Variants in FOXO3 observed in about 807,000 individuals in gnomAD.
FOXO3 encodes forkhead box O3.
In FOXO3, 4 loss-of-function variants were observed where a neutral mutation model predicts 41.9. The observed-to-expected ratio is 0.10, with a 90% confidence interval of 0.05 to 0.22. The LOEUF is 0.22. Among genes scored for constraint, FOXO3 ranks in the 10% least tolerant of loss-of-function variants. FOXO3 has a pLI of 1.00. For synonymous variants in FOXO3, 318 were observed against 389.3 expected (o/e 0.82, Z 2.16); for missense variants, 534 against 906.8 (o/e 0.59, Z 5.28).
At chr6:108,660,976 C>T (rs1449525880) in intron 1 of FOXO3, among the ~76,000 whole-genome samples, 11 of 152,098 alleles carry the variant, frequency 7.2e-5, no homozygotes, top group African/African-American at 2.2e-4. Flanking sequence ...AGGAGAATGG[C>T]GTGAACCTGG....
At chr6:108,588,273 G>A (rs1371321065) in intron 1 of FOXO3, among the ~76,000 whole-genome samples, 1 of 151,468 alleles carries the variant, frequency 6.6e-6, no homozygotes, top group Non-Finnish European at 1.5e-5. Context: ...TCTGCATTTG[G>A]GCTTGTTCCT....
At chr6:108,587,493 A>G (rs1562235044) in intron 1 of FOXO3, among the ~76,000 whole-genome samples, 1 of 152,188 alleles carries the variant, frequency 6.6e-6, no homozygotes, top group Non-Finnish European at 1.5e-5. Flanking sequence ...TGTATTATGC[A>G]AATTCATGCA....
chr6:108,560,793 C>T (rs1258706164), upstream of FOXO3: 2 of 347,092 alleles, frequency 5.8e-6, no homozygotes, highest in Non-Finnish European at 9.8e-6. Context: ...GGGCGCCCCT[C>T]CCCCTTCTCC....
chr6:108,595,109 T>G (rs189492844), intron 1 of FOXO3, among the ~76,000 whole-genome samples: 182 of 152,294 alleles, frequency 1.2e-3, no homozygotes, highest in African/African-American at 4.3e-3. Context: ...GTGTGACTTC[T>G]ACTCTTTCTG....
At chr6:108,572,573 A>G (rs73517976) in intron 1 of FOXO3, among the ~76,000 whole-genome samples, 4,296 of 152,316 alleles carry the variant, frequency 0.028, 208 homozygotes, top group African/African-American at 0.095. Flanking sequence ...TTGGCTTGAA[A>G]TGTTCAGACA....
upstream of FOXO3, among the ~76,000 whole-genome samples, chr6:108,560,677 C>G (rs1775748195): frequency 6.6e-6 from 1 of 151,982 alleles, no homozygotes; most frequent in Admixed American, 6.5e-5. Context: ...CGGGCCCGAG[C>G]GAAACATAAA....
chr6:108,664,824 A>G lies in FOXO3; in HGVS notation c.1991A>G (p.Gln664Arg). ...LNVGNFTGAK[Q>R]ASSQSWVPG ...GTGGGGAACTTCACTGGTGCTAAGC[A>G]GGCCTCATCTCAGAGCTGGGTGCCA... Residue 664 changes from glutamine to arginine, a missense_variant, in exon 2 of 3, where the codon CAG becomes CGG. Around this residue, in one of 8 missense-constraint regions of FOXO3, gnomAD observed 94 missense variants for 214.4 expected, o/e 0.44. Coordinates refer to ENST00000406360, the MANE Select transcript of FOXO3 (RefSeq NM_001455.4). The G allele has an allele frequency of 6.5e-7, 1 of 1,532,666 alleles. No homozygotes were observed. The highest frequency in any genetic ancestry group is 8.7e-7 in the Non-Finnish European group (1 of 1,145,216). 94.9% of individuals were successfully genotyped at this position (1,532,666 alleles called of 1,614,324 possible). A position where few individuals can be genotyped will look rare whatever the true frequency, so the allele number is the denominator to read the frequency against.
At chr6:108,663,405 G>A (rs369450337) in intron 1 of FOXO3, 50 bp from the exon 2 acceptor site, 30 of 1,527,680 alleles carry the variant, frequency 2.0e-5, no homozygotes, top group Middle Eastern at 1.8e-4. Flanking sequence ...CTGGGTGCTC[G>A]GTTTTGGACC....
At position 108,575,805 on chromosome 6, in the gene FOXO3, T is replaced by A. The variant is rs532146975; in HGVS notation, c.621+13976T>A. Among the ~76,000 whole-genome samples the A allele has an allele frequency of 4.1e-4, 62 of 152,334 alleles. 1 individual carries two copies. The highest frequency in any genetic ancestry group is 4.0e-3 in the Admixed American group (62 of 15,310). ...GTGCCATGTGTGAATATACCTGTCA[T>A]GCAGACTGAGGCCCACAGACTAATA... On this transcript the variant is annotated intron_variant, in intron 1 of 2. Coordinates refer to ENST00000406360, the MANE Select transcript of FOXO3 (RefSeq NM_001455.4).
chr6:108,672,077 G>A (rs1383511528), intron 2 of FOXO3, among the ~76,000 whole-genome samples: 1 of 152,182 alleles, frequency 6.6e-6, no homozygotes, highest in African/African-American at 2.4e-5. Flanking sequence ...CTGCCTTAGA[G>A]CCTCAAGCCT....
intron 1 of FOXO3, among the ~76,000 whole-genome samples, chr6:108,587,127 G>A (rs1562234936): frequency 6.6e-6 from 1 of 151,914 alleles, no homozygotes; most frequent in Non-Finnish European, 1.5e-5. Flanking sequence ...TTTAATTTCT[G>A]AAGAAACTGA....
intron 1 of FOXO3, among the ~76,000 whole-genome samples, chr6:108,607,095 A>C (rs915104159): frequency 1.3e-5 from 2 of 152,216 alleles, no homozygotes; most frequent in Non-Finnish European, 2.9e-5. Context: ...TTTGTCTTTC[A>C]TACCTGAAAG....
intron 1 of FOXO3, among the ~76,000 whole-genome samples, chr6:108,598,843 G>A (rs925957864): frequency 3.9e-5 from 6 of 152,138 alleles, no homozygotes; most frequent in Non-Finnish European, 1.5e-5. Context: ...CCTTGACCTG[G>A]TGGTCATTGG....
chr6:108,617,703 C>G (rs1777554391), intron 1 of FOXO3, among the ~76,000 whole-genome samples: 2 of 152,104 alleles, frequency 1.3e-5, no homozygotes, highest in Admixed American at 1.3e-4. Context: ...GATGAGCATG[C>G]CACTAATGGA....
intron 1 of FOXO3, among the ~76,000 whole-genome samples, chr6:108,562,248 G>A (rs998337668): frequency 6.6e-6 from 1 of 152,036 alleles, no homozygotes; most frequent in African/African-American, 2.4e-5. Context: ...CGCAGTGTCT[G>A]GAGGAGGGGT....
chr6:108,582,599 A>T (rs1776451087), intron 1 of FOXO3, among the ~76,000 whole-genome samples: 1 of 152,086 alleles, frequency 6.6e-6, no homozygotes, highest in Non-Finnish European at 1.5e-5. Flanking sequence ...TGTCATGGAG[A>T]TAGTAGATGA....
intron 1 of FOXO3, among the ~76,000 whole-genome samples, chr6:108,580,117 G>A (rs1275471995): frequency 2.0e-5 from 3 of 150,560 alleles, no homozygotes; most frequent in African/African-American, 7.3e-5. Context: ...AAAAGCTACG[G>A]TTAATTGAAC....
intron 1 of FOXO3, among the ~76,000 whole-genome samples, chr6:108,580,766 A>C (rs1776395710): frequency 6.6e-6 from 1 of 152,226 alleles, no homozygotes; most frequent in South Asian, 2.1e-4. Flanking sequence ...GATGTGTTCT[A>C]CGTAGCTGTC....
chr6:108,640,997 T>G (rs1050390591), intron 1 of FOXO3, among the ~76,000 whole-genome samples: 15 of 152,136 alleles, frequency 9.9e-5, no homozygotes, highest in African/African-American at 3.6e-4. Flanking sequence ...CACTGCATCC[T>G]GTGTCTCCTA....
Sources: gnomAD v4.1 joint callset for allele counts (sites outside exome capture counted in the v4.1 genomes callset) on GRCh38, gnomAD v4.1.1 for gene constraint, gnomAD v4.1.1 regional missense constraint, MANE v1.5 for transcripts, NCBI Gene and HGNC (gene_info 2026-07-23, HGNC 2026-07-21) for gene names.